ANO1: variants seen among roughly 807,000 people sequenced by gnomAD.
ANO1 encodes anoctamin 1.
In ANO1, 59 loss-of-function variants were observed where a neutral mutation model predicts 124.0. That is an observed-to-expected ratio of 0.48 (90% confidence interval 0.39 to 0.59). The LOEUF (loss-of-function observed/expected upper bound fraction) is 0.59, where lower values mean the gene tolerates loss of function less well. Ranked by LOEUF, ANO1 falls within the 20% of genes least tolerant of loss-of-function variation. The pLI, the probability that ANO1 is intolerant of heterozygous loss-of-function variation, is 0.00. For missense variants in ANO1, 1,059 were observed against 1,328.0 expected, an observed-to-expected ratio of 0.80 and a Z score of 3.15; for synonymous variants, 529 against 532.0, an observed-to-expected ratio of 0.99 and a Z score of 0.08.
intron 1 of ANO1, among the ~76,000 whole-genome samples, chr11:70,014,520 G>A (rs1417807939): frequency 2.0e-5 from 3 of 152,116 alleles, no homozygotes; most frequent in African/African-American, 7.2e-5. Context: ...TTGCACTTGG[G>A]AGTCCACCAC....
intron 1 of ANO1, among the ~76,000 whole-genome samples, chr11:70,034,139 C>T (rs1857054588): frequency 4.6e-5 from 7 of 152,144 alleles, no homozygotes; most frequent in Admixed American, 4.6e-4. Context: ...GTAGCAGGTC[C>T]TCTGCATATG....
At chr11:70,168,324 C>T (rs2048331953) in intron 21 of ANO1, among the ~76,000 whole-genome samples, 1 of 152,096 alleles carries the variant, frequency 6.6e-6, no homozygotes, top group Non-Finnish European at 1.5e-5. Flanking sequence ...CTCTCCCTGC[C>T]TCCCAGGCTC....
chr11:70,186,395 G>GAAGGAAGAAAGA (rs1251399539), intron 25 of ANO1, among the ~76,000 whole-genome samples: 30 of 146,092 alleles, frequency 2.1e-4, no homozygotes, highest in African/African-American at 6.7e-4. Context: ...AGGAAGGAAG[G>GAAGGAAGAAAGA]AAGAAAGACA....
intron 1 of ANO1, among the ~76,000 whole-genome samples, chr11:70,024,772 C>T (rs1856862748): frequency 6.6e-6 from 1 of 152,228 alleles, no homozygotes; most frequent in East Asian, 1.9e-4. Flanking sequence ...ACAGCCTGGA[C>T]AGACATAGGC....
At chr11:70,152,903 G>A (rs532299448) in intron 13 of ANO1, among the ~76,000 whole-genome samples, 154 bp from the exon 14 acceptor site, 1 of 152,378 alleles carries the variant, frequency 6.6e-6, no homozygotes, top group South Asian at 2.1e-4. Flanking sequence ...CACAGATGGG[G>A]TGATTACACT....
At chr11:70,041,800 C>T (rs571692408) in intron 1 of ANO1, among the ~76,000 whole-genome samples, 1 of 152,174 alleles carries the variant, frequency 6.6e-6, no homozygotes, top group South Asian at 2.1e-4. Context: ...CTGTAACCTG[C>T]AATGTTTTCT....
chr11:70,090,297 G>A (rs756273166), intron 2 of ANO1, among the ~76,000 whole-genome samples: 34 of 152,140 alleles, frequency 2.2e-4, no homozygotes, highest in Admixed American at 3.9e-4. Context: ...GTGAGCCACC[G>A]CGCCTGGCCC....
chr11:70,182,368 C>A, intron 23 of ANO1, 134 bp from the exon 24 acceptor site: 1 of 657,158 alleles, frequency 1.5e-6, no homozygotes, highest in Non-Finnish European at 2.3e-6. Context: ...CGAGGCTGTG[C>A]GGCTATGGTC....
At chr11:70,077,698 T>G (rs1382827021), upstream of ANO1, among the ~76,000 whole-genome samples, 1 of 152,156 alleles carries the variant, frequency 6.6e-6, no homozygotes, top group East Asian at 1.9e-4. Flanking sequence ...AGCCTGAGTG[T>G]CCTCTGCAAA....
intron 1 of ANO1, among the ~76,000 whole-genome samples, chr11:70,030,847 T>G (rs4980748): frequency 1.3e-5 from 2 of 152,088 alleles, no homozygotes; most frequent in Non-Finnish European, 2.9e-5. Context: ...GCTGGAAGGA[T>G]CCCACAGAGG....
chr11:70,036,821 A>G (rs1452497330), intron 1 of ANO1, among the ~76,000 whole-genome samples: 2 of 152,088 alleles, frequency 1.3e-5, no homozygotes, highest in South Asian at 4.1e-4. Context: ...GTTAGCCAGG[A>G]TGGTCTCAAT....
chr11:70,167,286 G>C lies in ANO1; in HGVS notation c.2096G>C (p.Ser699Thr). ...CGCTACCTGAAGCTGAAGCAGCAGA[G>C]CCCCCCTGACCACGAGGAGTGTGTG... ...LIRYLKLKQQ[S>T]PPDHEECVKR... The change falls in exon 21 of 26, where the codon AGC (serine) becomes ACC (threonine). Residue 699 changes from serine to threonine, a missense_variant. Ser to Thr is a moderately conservative substitution (Grantham distance 58). Coordinates refer to ENST00000355303, the MANE Select transcript of ANO1 (RefSeq NM_018043.7). The C allele has an allele frequency of 1.2e-6, 2 of 1,613,978 alleles. No individual in the cohort carries two copies. Among genetic ancestry groups the C allele is most frequent in the Non-Finnish European group, 1.7e-6 (2 of 1,179,878 alleles).
chr11:70,167,270 A>C lies in ANO1; in HGVS notation c.2080A>C (p.Lys694Gln), dbSNP rs1362981884. ...PKMKKLIRYL[K>Q]LKQQSPPDHE... ...GATGAAGAAGCTCATCCGCTACCTG[A>C]AGCTGAAGCAGCAGAGCCCCCCTGA... Residue 694 changes from lysine to glutamine, a missense_variant, in exon 21 of 26, where the codon AAG becomes CAG. By Grantham distance (53) the Lys-to-Gln change is moderately conservative. Transcript: ENST00000355303. 1 of 1,613,926 alleles carries C rather than the reference A, an allele frequency of 6.2e-7. No individual in the cohort carries two copies. The highest frequency in any genetic ancestry group is 2.2e-5 in the East Asian group (1 of 44,902).
rs756836149 is a variant in ANO1, at chr11:70,182,624, C to T, written c.2526C>T (p.Asp842=). ...NHTLSSFNVS[D]FQNGTAPNDP... ...CCCTCTCCTCCTTCAACGTCAGTGA[C>T]TTCCAGAACGGCACGGCCCCCAATG... The change falls in exon 24 of 26, where the codon GAC becomes GAT. Residue 842 remains aspartate (D), a synonymous_variant. Transcript: ENST00000355303. 15 of 1,613,592 alleles carry T rather than the reference C, an allele frequency of 9.3e-6. No homozygotes were observed. Among genetic ancestry groups the T allele is most frequent in the Non-Finnish European group, 1.3e-5 (15 of 1,179,688 alleles).
upstream of ANO1, among the ~76,000 whole-genome samples, chr11:70,077,394 G>C (rs763644741): frequency 7.9e-5 from 12 of 152,236 alleles, no homozygotes; most frequent in Non-Finnish European, 1.6e-4. Context: ...CATAGGATGT[G>C]AGAGGCAGAG....
intron 24 of ANO1, among the ~76,000 whole-genome samples, chr11:70,183,389 ACTGAGTCTTACT>A (rs1470071793): frequency 1.3e-5 from 2 of 152,152 alleles, no homozygotes; most frequent in African/African-American, 4.8e-5. Flanking sequence ...AAATCCAGGG[ACTGAGTCTTACT>A]GCCCCATCTT....
chr11:69,988,180 C>T (rs529445299), intron 1 of ANO1, among the ~76,000 whole-genome samples: 3 of 152,248 alleles, frequency 2.0e-5, no homozygotes, highest in African/African-American at 7.2e-5. Context: ...TGGCTTCGCC[C>T]GTAAATAGGA....
intron 1 of ANO1, chr11:70,015,873 G>A (rs542724641): frequency 6.6e-6 from 1 of 152,422 alleles, no homozygotes; most frequent in African/African-American, 2.4e-5. Flanking sequence ...GAGATGCTGA[G>A]ACATGTCCAC....
intron 8 of ANO1, among the ~76,000 whole-genome samples, chr11:70,122,458 C>G (rs1004598329): frequency 1.1e-4 from 16 of 149,322 alleles, no homozygotes; most frequent in Admixed American, 6.0e-4. Context: ...CTCTCTGTCT[C>G]TCTGTCTCTG....
Sources: allele counts gnomAD v4.1 joint callset (sites outside exome capture counted in the v4.1 genomes callset), GRCh38; gene constraint gnomAD v4.1.1; transcripts MANE v1.5; gene names NCBI Gene and HGNC (gene_info 2026-07-23, HGNC 2026-07-21).